The following TRMT9B variants were observed in gnomAD, a reference collection of about 807,000 sequenced individuals.
TRMT9B encodes tRNA methyltransferase 9B (putative), also known as probable tRNA methyltransferase 9B.
Under a neutral mutation model 11.5 loss-of-function variants are expected in TRMT9B, and 16 were observed. The observed-to-expected ratio is 1.39, with a 90% CI of 0.94 to 2.11. The LOEUF (loss-of-function observed/expected upper bound fraction) is 2.11, where lower values mean the gene tolerates loss of function less well. TRMT9B is among the 30% of genes most tolerant of loss of function. The probability of loss-of-function intolerance (pLI) is 0.00; values close to 1 mark genes in which losing one functional copy is unlikely to be tolerated. For synonymous variants in TRMT9B, 274 were observed against 192.4 expected (o/e 1.42, Z -3.51); for missense variants, 941 against 553.8 (o/e 1.70, Z -7.02).
intron 2 of TRMT9B, among the ~76,000 whole-genome samples, chr8:13,002,781 G>A (rs1205248889): frequency 1.3e-5 from 2 of 152,156 alleles, no homozygotes; most frequent in Non-Finnish European, 2.9e-5. Context: ...TAGTCTCAAA[G>A]TCTCTCTCCA....
intron 1 of TRMT9B, among the ~76,000 whole-genome samples, chr8:12,981,591 T>G: frequency 6.6e-6 from 1 of 150,712 alleles, no homozygotes; most frequent in South Asian, 2.1e-4. Flanking sequence ...TTCTTTCTTT[T>G]ATTTATTTAT....
At chr8:12,967,154 A>G (rs1265242239) in intron 1 of TRMT9B, among the ~76,000 whole-genome samples, 1 of 152,216 alleles carries the variant, frequency 6.6e-6, no homozygotes, top group Non-Finnish European at 1.5e-5. Context: ...GATCCTGGGT[A>G]AGTCATCTCC....
intron 1 of TRMT9B, chr8:12,952,077 G>C (rs767006679): frequency 5.2e-5 from 20 of 382,100 alleles, no homozygotes; most frequent in Non-Finnish European, 9.1e-5. Flanking sequence ...AGGGGTGGAA[G>C]TTACACCTGG....
intron 2 of TRMT9B, among the ~76,000 whole-genome samples, chr8:12,991,618 C>T (rs553297404): frequency 2.7e-4 from 41 of 152,262 alleles, no homozygotes; most frequent in East Asian, 1.9e-3. Context: ...AAGTGACCAT[C>T]GTATGCCTAG....
At chr8:12,971,121 A>G (rs1803555653) in intron 1 of TRMT9B, among the ~76,000 whole-genome samples, 1 of 152,194 alleles carries the variant, frequency 6.6e-6, no homozygotes, top group Non-Finnish European at 1.5e-5. Flanking sequence ...TTGCCTTGGG[A>G]ACATTGCAGT....
At chr8:12,958,949 C>T (rs1001108566) in intron 1 of TRMT9B, among the ~76,000 whole-genome samples, 5 of 151,838 alleles carry the variant, frequency 3.3e-5, no homozygotes, top group South Asian at 2.1e-4. Flanking sequence ...TGTCAGGGGT[C>T]GGGGGCTGTG....
chr8:13,015,483 C>T (rs779873008), intron 4 of TRMT9B, among the ~76,000 whole-genome samples: 1 of 152,094 alleles, frequency 6.6e-6, no homozygotes, highest in East Asian at 1.9e-4. Flanking sequence ...TCCCAAGTAG[C>T]TGGGACTACA....
At chr8:13,012,912 T>G in intron 4 of TRMT9B, 55 bp downstream of exon 4, 7 of 1,590,170 alleles carry the variant, frequency 4.4e-6, no homozygotes, top group Non-Finnish European at 4.3e-6. Context: ...TTGACCCGGT[T>G]TAGTCCGTTC....
At chr8:13,009,868 C>G (rs1041244408) in intron 3 of TRMT9B, among the ~76,000 whole-genome samples, 1 of 152,120 alleles carries the variant, frequency 6.6e-6, no homozygotes, top group African/African-American at 2.4e-5. Flanking sequence ...GTATCTCACA[C>G]GTGTAATCCT....
At chr8:12,963,942 T>C (rs1435111158) in intron 1 of TRMT9B, among the ~76,000 whole-genome samples, 1 of 152,194 alleles carries the variant, frequency 6.6e-6, no homozygotes, top group African/African-American at 2.4e-5. Flanking sequence ...TGATATTGTT[T>C]CCATACTGGT....
In TRMT9B at chr8:12,993,015, G is replaced by A. The variant is rs566983782; in HGVS notation, c.-2+1984G>A. Among the ~76,000 whole-genome samples the A allele has an allele frequency of 1.3e-3, 196 of 152,316 alleles. 1 individual carries two copies. Among genetic ancestry groups the A allele is most frequent in the African/African-American group, 1.9e-3 (81 of 41,574 alleles). ...GAGGAAGTGATAGGAGAGCATTGCCGGTGAGAGAGAATAGACTGCTGGCTT... is the reference window on the plus strand; with the variant it reads ...GAGGAAGTGATAGGAGAGCATTGCCAGTGAGAGAGAATAGACTGCTGGCTT... On this transcript the variant is annotated intron_variant, in intron 2 of 4. Coordinates refer to ENST00000524591, the MANE Select transcript of TRMT9B (RefSeq NM_020844.3).
In TRMT9B at chr8:12,976,009, C is replaced by G. The variant is rs114620972; in HGVS notation, c.-199-14825C>G. ...TGATTACAAGCAACAGAAACTGACT[C>G]GTGATCTTTGGACTGATCAGGAATT... On this transcript the variant is annotated intron_variant, in intron 1 of 4. Coordinates refer to ENST00000524591, the MANE Select transcript of TRMT9B (RefSeq NM_020844.3). 2.7e-3 allele frequency among the ~76,000 whole-genome samples: 406 copies of G among 152,302 alleles called. 2 individuals carry two copies. The highest frequency in any genetic ancestry group is 9.5e-3 in the African/African-American group (394 of 41,562).
chr8:13,014,897 C>T (rs1812336361), intron 4 of TRMT9B, among the ~76,000 whole-genome samples: 1 of 151,928 alleles, frequency 6.6e-6, no homozygotes, highest in South Asian at 2.1e-4. Context: ...CCCGTCTCTA[C>T]TAAAAATGCA....
chr8:12,948,440 T>A (rs1393865020), intron 1 of TRMT9B, among the ~76,000 whole-genome samples: 1 of 148,194 alleles, frequency 6.7e-6, no homozygotes, highest in African/African-American at 2.5e-5. Flanking sequence ...CTGTTATATA[T>A]AAATATATGT....
intron 4 of TRMT9B, among the ~76,000 whole-genome samples, chr8:13,016,254 G>T (rs1351063960): frequency 2.1e-5 from 3 of 145,106 alleles, no homozygotes; most frequent in African/African-American, 5.0e-5. Flanking sequence ...AAATATAAAT[G>T]TGAAATATAT....
Position 13,029,288 on chromosome 8 carries a change from AC to A in TRMT9B, c.*7245del, listed in dbSNP as rs1815089364. 1 of 166,996 alleles carries A rather than the reference AC, an allele frequency of 6.0e-6. No individual in the cohort carries two copies. 10.3% of individuals were successfully genotyped at this position (166,996 alleles called of 1,614,324 possible). A position where few individuals can be genotyped will look rare whatever the true frequency, so the allele number is the denominator to read the frequency against. The stretch of plus-strand genomic sequence containing the variant: ...GTGTATTTGGGTCAAAAGTGCAAAA[AC>A]TTTTTTCTACAATGTACAGTTATTT... On this transcript the variant is annotated 3_prime_UTR_variant, in exon 5 of 5. Coordinates refer to ENST00000524591, the MANE Select transcript of TRMT9B (RefSeq NM_020844.3).
intron 1 of TRMT9B, among the ~76,000 whole-genome samples, chr8:12,963,513 G>A (rs1394404633): frequency 6.6e-6 from 1 of 152,114 alleles, no homozygotes; most frequent in East Asian, 1.9e-4. Flanking sequence ...GTTTTGGGAG[G>A]CAGAGCTAGG....
At chr8:12,996,744 T>C (rs947913275) in intron 2 of TRMT9B, among the ~76,000 whole-genome samples, 1 of 152,138 alleles carries the variant, frequency 6.6e-6, no homozygotes, top group Non-Finnish European at 1.5e-5. Flanking sequence ...ATATCATAAA[T>C]GTACAAATAA....
At chr8:13,008,195 C>G (rs1810862094) in intron 3 of TRMT9B, among the ~76,000 whole-genome samples, 1 of 152,214 alleles carries the variant, frequency 6.6e-6, no homozygotes, top group Non-Finnish European at 1.5e-5. Context: ...GGCTCACGGC[C>G]AGCACACTAT....
Sources: gnomAD v4.1 joint callset for allele counts (sites outside exome capture counted in the v4.1 genomes callset) on GRCh38, gnomAD v4.1.1 for gene constraint, MANE v1.5 for transcripts, NCBI Gene and HGNC (gene_info 2026-07-23, HGNC 2026-07-21) for gene names.